Variants in SNTG1 observed in about 807,000 individuals in gnomAD.
The protein encoded by SNTG1 is gamma-1-syntrophin.
In SNTG1, 39 loss-of-function variants were observed where a neutral mutation model predicts 74.7. The ratio of observed to expected loss-of-function variants is 0.52; its 90% CI spans 0.40 to 0.68. The LOEUF is 0.68. Among genes scored for constraint, SNTG1 ranks in the 30% least tolerant of loss-of-function variants. The probability of loss-of-function intolerance (pLI) is 0.00; values close to 1 mark genes in which losing one functional copy is unlikely to be tolerated. For synonymous variants in SNTG1, 254 were observed against 217.1 expected (o/e 1.17, Z -1.49); for missense variants, 685 against 609.5 (o/e 1.12, Z -1.30).
At chr8:50,389,607 G>T (rs1026094844) in intron 2 of SNTG1, among the ~76,000 whole-genome samples, 8 of 152,124 alleles carry the variant, frequency 5.3e-5, no homozygotes, top group Non-Finnish European at 1.0e-4. Context: ...CCAGTAATGG[G>T]ATGGCTGGGT....
At chr8:50,304,957 C>T (rs1563871099) in intron 2 of SNTG1, among the ~76,000 whole-genome samples, 1 of 152,040 alleles carries the variant, frequency 6.6e-6, no homozygotes, top group Non-Finnish European at 1.5e-5. Flanking sequence ...TGCTGGAGTG[C>T]AATGGCATGA....
intron 2 of SNTG1, among the ~76,000 whole-genome samples, chr8:50,187,720 A>G (rs2131756173): frequency 6.6e-6 from 1 of 152,322 alleles, no homozygotes; most frequent in African/African-American, 2.4e-5. Context: ...TACTACGTAC[A>G]ATGCCATGAT....
intron 12 of SNTG1, among the ~76,000 whole-genome samples, chr8:50,561,203 T>C (rs954938479): frequency 6.6e-6 from 1 of 152,082 alleles, no homozygotes; most frequent in South Asian, 2.1e-4. Flanking sequence ...GTTCCCCCTT[T>C]GCTGTCTCTC....
intron 1 of SNTG1, among the ~76,000 whole-genome samples, chr8:50,089,370 C>A (rs1214009382): frequency 1.3e-5 from 2 of 150,050 alleles, no homozygotes; most frequent in African/African-American, 4.9e-5. Context: ...TCTAAAACAC[C>A]AAAAGCAATG....
intron 2 of SNTG1, among the ~76,000 whole-genome samples, chr8:50,371,726 C>T (rs1229189508): frequency 6.6e-6 from 1 of 152,024 alleles, no homozygotes; most frequent in Non-Finnish European, 1.5e-5. Context: ...TGTTAGCTGC[C>T]TATATATTTA....
intron 2 of SNTG1, among the ~76,000 whole-genome samples, chr8:50,242,545 AC>A (rs372772741): frequency 0.67 from 64,107 of 95,518 alleles, 19,120 homozygotes; most frequent in East Asian, 0.82. Flanking sequence ...AAAAAAAAAA[AC>A]ACACCAGGAA....
In SNTG1 at chr8:50,123,240, G is replaced by T. The variant is rs1007308080; in HGVS notation, c.-102-49321G>T. Among the ~76,000 whole-genome samples the T allele has an allele frequency of 7.0e-5, 10 of 142,828 alleles. 3 individuals carry two copies. Among genetic ancestry groups the T allele is most frequent in the Non-Finnish European group, 1.3e-4 (8 of 63,956 alleles). The allele number at this position is 142,828 out of a possible 152,430, so 93.7% of individuals were successfully genotyped here. A position where few individuals can be genotyped will look rare whatever the true frequency, so the allele number is the denominator to read the frequency against. Reference sequence around the variant, plus strand: ...AGTGGCTGATGGTAATTATTGTACCGCTCAGTGCTCCAACACACAATTACA... The same window carrying T: ...AGTGGCTGATGGTAATTATTGTACCTCTCAGTGCTCCAACACACAATTACA... On this transcript the variant is annotated intron_variant, in intron 1 of 18. Coordinates refer to ENST00000642720, the MANE Select transcript of SNTG1 (RefSeq NM_018967.5).
intron 10 of SNTG1, among the ~76,000 whole-genome samples, chr8:50,533,955 A>G (rs1000576224): frequency 2.6e-5 from 4 of 152,174 alleles, no homozygotes; most frequent in Non-Finnish European, 5.9e-5. Flanking sequence ...CATATCTTTA[A>G]CAATCTTTGA....
intron 8 of SNTG1, among the ~76,000 whole-genome samples, chr8:50,455,601 T>C (rs1587687191): frequency 1.3e-5 from 2 of 152,242 alleles, no homozygotes; most frequent in East Asian, 3.8e-4. Context: ...CTTGTTATGA[T>C]ATATGCCTAA....
intron 1 of SNTG1, among the ~76,000 whole-genome samples, chr8:50,038,766 A>C (rs1248101396): frequency 6.6e-6 from 1 of 151,920 alleles, no homozygotes; most frequent in Admixed American, 6.5e-5. Context: ...ACAGATATAA[A>C]GACAGTGCTG....
chr8:50,747,265 A>C (rs958906343), intron 17 of SNTG1, among the ~76,000 whole-genome samples: 6 of 151,966 alleles, frequency 3.9e-5, no homozygotes, highest in Non-Finnish European at 7.4e-5. Flanking sequence ...TTCAATCATG[A>C]AGGGTTATGC....
At chr8:50,323,395 A>G (rs770080244) in intron 2 of SNTG1, among the ~76,000 whole-genome samples, 5 of 152,072 alleles carry the variant, frequency 3.3e-5, no homozygotes, top group Admixed American at 1.3e-4. Flanking sequence ...GATGCTGTGG[A>G]TGATTGTAAA....
At chr8:49,934,113 T>C (rs1012870552) in intron 1 of SNTG1, among the ~76,000 whole-genome samples, 4 of 152,148 alleles carry the variant, frequency 2.6e-5, no homozygotes, top group Non-Finnish European at 1.5e-5. Flanking sequence ...AGTTAGGATG[T>C]CTGGGCTGCT....
At chr8:50,419,544 G>T (rs1413454785) in intron 4 of SNTG1, among the ~76,000 whole-genome samples, 1 of 152,092 alleles carries the variant, frequency 6.6e-6, no homozygotes, top group Non-Finnish European at 1.5e-5. Context: ...AGAAGCCATC[G>T]CAAACAATGG....
intron 2 of SNTG1, among the ~76,000 whole-genome samples, chr8:50,367,975 G>C (rs1021631974): frequency 6.6e-6 from 1 of 152,058 alleles, no homozygotes; most frequent in East Asian, 1.9e-4. Context: ...GTACAGACTA[G>C]AAAAAGCCCG....
chr8:49,991,478 C>T (rs1183494569), intron 1 of SNTG1, among the ~76,000 whole-genome samples: 1 of 152,154 alleles, frequency 6.6e-6, no homozygotes, highest in South Asian at 2.1e-4. Context: ...TTTATCCACA[C>T]AAAAACGTGT....
At chr8:50,510,427 C>T (rs1389344340) in intron 9 of SNTG1, among the ~76,000 whole-genome samples, 1 of 152,150 alleles carries the variant, frequency 6.6e-6, no homozygotes, top group African/African-American at 2.4e-5. Flanking sequence ...ATGCTGGCCT[C>T]ATAAAATGAG....
At chr8:50,438,373 C>T (rs1211449127) in intron 4 of SNTG1, among the ~76,000 whole-genome samples, 170 bp from the exon 5 acceptor site, 2 of 152,006 alleles carry the variant, frequency 1.3e-5, no homozygotes, top group Non-Finnish European at 2.9e-5. Flanking sequence ...ATTTAAAAGT[C>T]AAAGACTATT....
intron 2 of SNTG1, among the ~76,000 whole-genome samples, chr8:50,253,650 T>TATATATGTATACACAC (rs2086744936): frequency 2.8e-5 from 4 of 144,506 alleles, no homozygotes; most frequent in Admixed American, 2.2e-4. Flanking sequence ...TATACACACA[T>TATATATGTATACACAC]ATATATGTAT....
Sources: allele counts gnomAD v4.1 joint callset (sites outside exome capture counted in the v4.1 genomes callset), GRCh38; gene constraint gnomAD v4.1.1; transcripts MANE v1.5; gene names NCBI Gene and HGNC (gene_info 2026-07-23, HGNC 2026-07-21).